ERC1: variants seen among roughly 807,000 people sequenced by gnomAD.
The protein encoded by ERC1 is RAB6 interacting protein 2.
In ERC1, 56 loss-of-function variants were observed where a neutral mutation model predicts 132.0. The ratio of observed to expected loss-of-function variants is 0.42; its 90% CI spans 0.34 to 0.53. ERC1 has a LOEUF of 0.53. Among genes scored for constraint, ERC1 ranks in the 20% least tolerant of loss-of-function variants. ERC1 has a pLI of 0.03. For missense variants in ERC1, 1,202 were observed against 1,349.9 expected (o/e 0.89, Z 1.72); for synonymous variants, 478 against 476.1 (o/e 1.00, Z -0.05).
Position 1,062,850 on chromosome 12 carries a change from G to A in ERC1, c.670-20314G>A, listed in dbSNP as rs138700425. 4.9e-3 allele frequency among the ~76,000 whole-genome samples: 748 copies of A among 152,294 alleles called. 10 individuals are homozygous for A. The highest frequency in any genetic ancestry group is 0.017 in the African/African-American group (723 of 41,564). ...TCTTATATTGGGATCTATGTCTCTA[G>A]CTCTAATAATATTTGCTTTATAGCT... On this transcript the variant is annotated intron_variant, in intron 2 of 18. Transcript: ENST00000360905.
intron 12 of ERC1, among the ~76,000 whole-genome samples, chr12:1,220,496 C>T (rs191032207): frequency 6.6e-6 from 1 of 152,272 alleles, no homozygotes; most frequent in East Asian, 1.9e-4. Context: ...TTGAGAGAAA[C>T]TTGAATGTTT....
At chr12:1,318,132 A>G (rs1201630643) in intron 15 of ERC1, among the ~76,000 whole-genome samples, 1 of 152,216 alleles carries the variant, frequency 6.6e-6, no homozygotes, top group Non-Finnish European at 1.5e-5. Flanking sequence ...AGATTTGTTT[A>G]TCAAGGAATA....
At chr12:1,398,650 A>G (rs1319732415) in intron 16 of ERC1, among the ~76,000 whole-genome samples, 1 of 152,228 alleles carries the variant, frequency 6.6e-6, no homozygotes, top group African/African-American at 2.4e-5. Flanking sequence ...TGTGTATGGT[A>G]TGCTGCTATA....
At chr12:1,291,175 C>T (rs1042922273) in intron 15 of ERC1, among the ~76,000 whole-genome samples, 1 of 152,108 alleles carries the variant, frequency 6.6e-6, no homozygotes, top group Non-Finnish European at 1.5e-5. Context: ...TTGAGGTGTC[C>T]TCTGTGCTTT....
In ERC1 at chr12:1,116,041, C is replaced by G. The variant is rs188971419; in HGVS notation, c.1569+8C>G. On this transcript the variant is annotated splice_region_variant and intron_variant, in intron 7 of 18. Transcript: ENST00000360905. ...GCCATCCTGCAGACTGAGGTAGAAA[C>G]AATTCTGGGATTTGTGGGGAGTTGG... The G allele has an allele frequency of 2.8e-5, 45 of 1,604,740 alleles. No individual in the cohort carries two copies. The highest frequency in any genetic ancestry group is 3.6e-5 in the Non-Finnish European group (42 of 1,174,778).
At chr12:1,488,365 C>A (rs992044747) in intron 18 of ERC1, among the ~76,000 whole-genome samples, 1 of 151,892 alleles carries the variant, frequency 6.6e-6, no homozygotes. Context: ...ATTTGTCAAG[C>A]ACTTTATATG....
At chr12:1,377,487 C>T (rs1175821118) in intron 16 of ERC1, among the ~76,000 whole-genome samples, 5 of 152,354 alleles carry the variant, frequency 3.3e-5, no homozygotes, top group East Asian at 3.9e-4. Flanking sequence ...CGATTCAATG[C>T]TCTGTCCACA....
chr12:1,349,733 T>G (rs1379813453), intron 15 of ERC1, among the ~76,000 whole-genome samples: 1 of 152,150 alleles, frequency 6.6e-6, no homozygotes, highest in Non-Finnish European at 1.5e-5. Context: ...TTCCAGCATT[T>G]TATTCAAAGA....
At chr12:1,484,069 G>T (rs148298957) in intron 18 of ERC1, among the ~76,000 whole-genome samples, 4 of 61,002 alleles carry the variant, frequency 6.6e-5, no homozygotes, top group African/African-American at 2.1e-4. Context: ...ACTTTGGGAG[G>T]CTGAGGCGGG....
chr12:1,403,523 G>A (rs1422803020), intron 16 of ERC1, among the ~76,000 whole-genome samples: 2 of 152,126 alleles, frequency 1.3e-5, no homozygotes, highest in Admixed American at 1.3e-4. Context: ...TTCACACCAA[G>A]TTTCTTCATA....
intron 17 of ERC1, among the ~76,000 whole-genome samples, chr12:1,417,615 T>C (rs1230489959): frequency 1.3e-5 from 2 of 151,996 alleles, no homozygotes; most frequent in East Asian, 3.9e-4. Context: ...ATCCTGTCTC[T>C]ACTAAAAATA....
intron 14 of ERC1, among the ~76,000 whole-genome samples, chr12:1,265,617 G>A (rs1009059319): frequency 2.6e-5 from 4 of 152,140 alleles, no homozygotes; most frequent in Non-Finnish European, 4.4e-5. Context: ...TTTTCGTGAC[G>A]CACAGTCCCG....
At chr12:1,385,783 CTCT>C (rs1260832260) in intron 16 of ERC1, 1 of 152,230 alleles carries the variant, frequency 6.6e-6, no homozygotes, top group African/African-American at 2.4e-5. Flanking sequence ...TGACTTGCAG[CTCT>C]TCTTATGGCT....
At chr12:1,163,441 A>C (rs1952063189) in intron 8 of ERC1, among the ~76,000 whole-genome samples, 1 of 152,242 alleles carries the variant, frequency 6.6e-6, no homozygotes, top group East Asian at 1.9e-4. Flanking sequence ...TTAAAACAAC[A>C]ATAAAATGGA....
intron 14 of ERC1, among the ~76,000 whole-genome samples, chr12:1,278,513 A>G (rs1326424215): frequency 6.6e-6 from 1 of 152,214 alleles, no homozygotes; most frequent in Admixed American, 6.5e-5. Flanking sequence ...AGGGAAGAAA[A>G]TGAAACTCAG....
chr12:1,269,091 TA>T (rs1417361658), intron 14 of ERC1, among the ~76,000 whole-genome samples: 1 of 152,254 alleles, frequency 6.6e-6, no homozygotes, highest in Non-Finnish European at 1.5e-5. Context: ...AACAGATCTT[TA>T]TAACTTATTC....
At chr12:1,139,336 G>A (rs1006978148) in intron 7 of ERC1, among the ~76,000 whole-genome samples, 1 of 152,148 alleles carries the variant, frequency 6.6e-6, no homozygotes, top group Non-Finnish European at 1.5e-5. Flanking sequence ...GACTGTTGCA[G>A]TGTCAGTGCT....
intron 2 of ERC1, among the ~76,000 whole-genome samples, chr12:1,054,279 A>G (rs962710171): frequency 2.6e-5 from 4 of 152,182 alleles, no homozygotes; most frequent in African/African-American, 4.8e-5. Flanking sequence ...GTAGAGGGCC[A>G]TTCTAAGGCC....
At chr12:1,263,223 A>T in intron 14 of ERC1, 58 bp downstream of exon 14, 1 of 1,563,450 alleles carries the variant, frequency 6.4e-7, no homozygotes, top group African/African-American at 1.4e-5. Context: ...GGTAACACAC[A>T]ACCAGTATAG....
Sources: allele counts gnomAD v4.1 joint callset (sites outside exome capture counted in the v4.1 genomes callset), GRCh38; gene constraint gnomAD v4.1.1; transcripts MANE v1.5; gene names NCBI Gene and HGNC (gene_info 2026-07-23, HGNC 2026-07-21).